EPHA7: variants seen among roughly 807,000 people sequenced by gnomAD.
The protein encoded by EPHA7 is ephrin type-A receptor 7.
Under a neutral mutation model 112.6 loss-of-function variants are expected in EPHA7, and 25 were observed. The observed-to-expected ratio is 0.22, with a 90% CI of 0.16 to 0.31. The LOEUF (loss-of-function observed/expected upper bound fraction) is 0.31. Among genes scored for constraint, EPHA7 ranks in the 10% least tolerant of loss-of-function variants. The pLI is 1.00. For synonymous variants in EPHA7, 437 were observed against 406.5 expected, an observed-to-expected ratio of 1.07 and a Z score of -0.90; for missense variants, 962 against 1,212.6, an observed-to-expected ratio of 0.79 and a Z score of 3.07.
chr6:93,397,862 A>G (rs1009195044), intron 3 of EPHA7, among the ~76,000 whole-genome samples: 2 of 151,996 alleles, frequency 1.3e-5, no homozygotes, highest in African/African-American at 4.8e-5. Context: ...GCTGCAATAA[A>G]AAAGTGTGCT....
In EPHA7 at chr6:93,271,018, C is replaced by T. The variant is rs560831275; in HGVS notation, c.1449+1280G>A. ...ATATTGTAAGAAACTTTACTCTTAC[C>T]ACCTATGTGTTTCATTGCTTTTGAA... On this transcript the variant is annotated intron_variant, in intron 6 of 16. Transcript: ENST00000369303. Among the ~76,000 whole-genome samples the T allele has an allele frequency of 9.9e-5, 15 of 151,706 alleles. No homozygotes were observed. The South Asian group carries it at 3.1e-3, about 32-fold the overall frequency.
chr6:93,304,244 CT>C (rs914999210), intron 5 of EPHA7, among the ~76,000 whole-genome samples: 1 of 151,360 alleles, frequency 6.6e-6, no homozygotes, highest in African/African-American at 2.4e-5. Context: ...CAAGTGTACA[CT>C]TGCTCAGATT....
In EPHA7 at chr6:93,410,515, C is replaced by G. The variant is rs1429079813; in HGVS notation, c.818G>C (p.Gly273Ala). 2 of 1,612,422 alleles carry G rather than the reference C, an allele frequency of 1.2e-6. No individual in the cohort carries two copies. Among genetic ancestry groups the G allele is most frequent in the Non-Finnish European group, 1.7e-6 (2 of 1,178,998 alleles). ...CICKAGYQQKGDTCEPCGRGF... is the reference protein window; with the variant it reads ...CICKAGYQQKADTCEPCGRGF... ...ACATTACTTACGTTCACAAGTGTCT[C>G]CTTTTTGCTGGTAGCCTGCTTTGCA... Residue 273 changes from glycine (G) to alanine (A), a missense_variant, in exon 3 of 17, where the codon GGA becomes GCA. Coordinates refer to ENST00000369303, the MANE Select transcript of EPHA7 (RefSeq NM_004440.4). This position sits in a 1 kb window ranked among gnomAD's most constrained non-coding sequence, Gnocchi z 4.0.
At chr6:93,313,053 T>G (rs1341130880) in intron 5 of EPHA7, among the ~76,000 whole-genome samples, 1 of 151,920 alleles carries the variant, frequency 6.6e-6, no homozygotes, top group Non-Finnish European at 1.5e-5. Context: ...ACTATGAAAA[T>G]TATAATAATA....
Position 93,356,834 on chromosome 6 carries a change from T to G in EPHA7, c.1207A>C (p.Met403Leu). The G allele has an allele frequency of 6.8e-6, 11 of 1,614,192 alleles. No individual in the cohort carries two copies. Among genetic ancestry groups the G allele is most frequent in the Non-Finnish European group, 9.3e-6 (11 of 1,180,032 alleles). ...TGLEDNYVTVMDLLAHANYTF... is the reference protein window; with the variant it reads ...TGLEDNYVTVLDLLAHANYTF... The stretch of plus-strand genomic sequence containing the variant: ...TAATTAGCGTGGGCTAGCAGGTCCA[T>G]GACAGTGACATAGTTATCCTCTAAT... The change falls in exon 5 of 17, where the codon ATG becomes CTG. Residue 403 changes from methionine to leucine, a missense_variant. Transcript: ENST00000369303.
chr6:93,376,514 GATCATCATGAT>G (rs1338850117), intron 3 of EPHA7, among the ~76,000 whole-genome samples: 1 of 152,066 alleles, frequency 6.6e-6, no homozygotes, highest in Non-Finnish European at 1.5e-5. Flanking sequence ...GAACATAACT[GATCATCATGAT>G]ATATGAGAAC....
intron 3 of EPHA7, among the ~76,000 whole-genome samples, chr6:93,362,687 A>T (rs766078015): frequency 7.9e-5 from 12 of 152,144 alleles, no homozygotes; most frequent in Non-Finnish European, 1.3e-4. Context: ...TCAGTGGACC[A>T]ATCAGGGTAC....
chr6:93,313,133 G>T (rs186843417), intron 5 of EPHA7, among the ~76,000 whole-genome samples: 4 of 152,260 alleles, frequency 2.6e-5, no homozygotes, highest in Admixed American at 1.3e-4. Context: ...AACTGATGCT[G>T]ATAGACTAGC....
At chr6:93,297,641 C>T (rs1428909782) in intron 5 of EPHA7, among the ~76,000 whole-genome samples, 1 of 152,070 alleles carries the variant, frequency 6.6e-6, no homozygotes, top group Non-Finnish European at 1.5e-5. Context: ...TTTGTAAGTG[C>T]CAGTTGCCAC....
intron 5 of EPHA7, among the ~76,000 whole-genome samples, chr6:93,273,954 G>C (rs887794209): frequency 1.3e-5 from 2 of 151,784 alleles, no homozygotes; most frequent in African/African-American, 4.8e-5. Context: ...ATAATCTCTA[G>C]TAGCATAACT....
intron 5 of EPHA7, among the ~76,000 whole-genome samples, chr6:93,306,932 A>T (rs1773289345): frequency 6.6e-6 from 1 of 152,018 alleles, no homozygotes; most frequent in African/African-American, 2.4e-5. Flanking sequence ...ACATTTTAGT[A>T]GCAATTATAA....
intron 3 of EPHA7, among the ~76,000 whole-genome samples, chr6:93,373,387 G>C (rs575070852): frequency 2.0e-5 from 3 of 152,110 alleles, no homozygotes; most frequent in Admixed American, 6.5e-5. Context: ...CTTGAGTCAA[G>C]AACAGAAGCC....
intron 3 of EPHA7, among the ~76,000 whole-genome samples, chr6:93,381,160 T>C (rs1381513296): frequency 1.3e-5 from 2 of 152,222 alleles, no homozygotes; most frequent in African/African-American, 4.8e-5. Flanking sequence ...ACATTTGCCA[T>C]TTTAAAATTT....
chr6:93,348,312 CA>C (rs1467924197), intron 5 of EPHA7, among the ~76,000 whole-genome samples: 16 of 151,410 alleles, frequency 1.1e-4, no homozygotes, highest in African/African-American at 2.9e-4. Flanking sequence ...AAAAAAAATA[CA>C]AAAATATTAA....
chr6:93,251,494 T>G (rs971555041), intron 14 of EPHA7, among the ~76,000 whole-genome samples: 2 of 138,412 alleles, frequency 1.4e-5, no homozygotes, highest in African/African-American at 5.1e-5. Context: ...TTAAAAATAC[T>G]TTTTTCTTAT....
intron 5 of EPHA7, among the ~76,000 whole-genome samples, chr6:93,319,218 A>T (rs1773949794): frequency 6.6e-6 from 1 of 152,134 alleles, no homozygotes; most frequent in Admixed American, 6.6e-5. Flanking sequence ...GAGTAGGGTT[A>T]GGGGGTCAAA....
At chr6:93,411,812 T>C (rs1778989622) in intron 2 of EPHA7, among the ~76,000 whole-genome samples, 1 of 152,112 alleles carries the variant, frequency 6.6e-6, no homozygotes, top group Admixed American at 6.5e-5. Flanking sequence ...TATAAGAGTA[T>C]GATTCATTTT....
At chr6:93,335,576 A>C (rs950959154) in intron 5 of EPHA7, among the ~76,000 whole-genome samples, 1 of 152,122 alleles carries the variant, frequency 6.6e-6, no homozygotes, top group Non-Finnish European at 1.5e-5. Context: ...GATGTAGAAT[A>C]GTAGTGGGAA....
intron 3 of EPHA7, among the ~76,000 whole-genome samples, chr6:93,373,932 C>A (rs543153873): frequency 6.2e-4 from 95 of 152,024 alleles, no homozygotes; most frequent in Non-Finnish European, 1.3e-4. Context: ...CCTCATGTTT[C>A]ATAAATACAT....
Sources: gnomAD v4.1 joint callset for allele counts (sites outside exome capture counted in the v4.1 genomes callset) on GRCh38, gnomAD v4.1.1 for gene constraint, Gnocchi (gnomAD v3.1) non-coding constraint, MANE v1.5 for transcripts, NCBI Gene and HGNC (gene_info 2026-07-23, HGNC 2026-07-21) for gene names.